ATXN1: variants seen among roughly 807,000 people sequenced by gnomAD.
The protein encoded by ATXN1 is ataxin-1.
In ATXN1, 8 loss-of-function variants were observed where a neutral mutation model predicts 56.4. That is an observed-to-expected ratio of 0.14 (90% CI 0.08 to 0.26). The LOEUF (loss-of-function observed/expected upper bound fraction) is 0.26, where lower values mean the gene tolerates loss of function less well. Ranked by LOEUF, ATXN1 falls within the 10% of genes least tolerant of loss-of-function variation. The pLI, the probability that ATXN1 is intolerant of heterozygous loss-of-function variation, is 1.00. For synonymous variants in ATXN1, 514 were observed against 494.6 expected, an observed-to-expected ratio of 1.04 and a Z score of -0.52; for missense variants, 987 against 1,106.5, an observed-to-expected ratio of 0.89 and a Z score of 1.53.
At chr6:16,646,989 TTTTGTTTG>T (rs533393628) in intron 3 of ATXN1, among the ~76,000 whole-genome samples, 1 of 152,032 alleles carries the variant, frequency 6.6e-6, no homozygotes, top group Admixed American at 6.6e-5. Flanking sequence ...ATTTAGGTTT[TTTTGTTTG>T]TTTGTTTGTT....
intron 3 of ATXN1, among the ~76,000 whole-genome samples, chr6:16,591,842 C>A (rs987678601): frequency 7.7e-6 from 1 of 129,640 alleles, no homozygotes; most frequent in Admixed American, 9.0e-5. Flanking sequence ...GTGATTTCAA[C>A]TTAAAGGTTA....
chr6:16,381,295 A>G (rs986688097), intron 6 of ATXN1, among the ~76,000 whole-genome samples: 1 of 152,042 alleles, frequency 6.6e-6, no homozygotes, highest in Non-Finnish European at 1.5e-5. Flanking sequence ...TGAAAAAAAA[A>G]GGGGGAAATG....
At chr6:16,720,323 T>C (rs1759721401) in intron 2 of ATXN1, among the ~76,000 whole-genome samples, 2 of 152,202 alleles carry the variant, frequency 1.3e-5, no homozygotes, top group Admixed American at 6.5e-5. Flanking sequence ...GGTCTGCAAA[T>C]AGAGTCTACT....
At chr6:16,330,513 C>T (rs1171626462) in intron 6 of ATXN1, among the ~76,000 whole-genome samples, 2 of 151,812 alleles carry the variant, frequency 1.3e-5, no homozygotes, top group Admixed American at 6.6e-5. Flanking sequence ...CCTCAGCCTC[C>T]CAGGTAGCTG....
intron 4 of ATXN1, among the ~76,000 whole-genome samples, chr6:16,564,086 C>A (rs915843653): frequency 4.5e-4 from 68 of 152,216 alleles, no homozygotes; most frequent in African/African-American, 1.4e-3. Flanking sequence ...AGCTGAATGA[C>A]CTCCAGGCTT....
At chr6:16,347,116 T>C (rs1423389618) in intron 6 of ATXN1, among the ~76,000 whole-genome samples, 2 of 152,100 alleles carry the variant, frequency 1.3e-5, no homozygotes, top group Non-Finnish European at 1.5e-5. Flanking sequence ...TGCCTGAACC[T>C]CCCCCTGCCC....
At chr6:16,544,131 T>C (rs1400897398) in intron 4 of ATXN1, among the ~76,000 whole-genome samples, 1 of 152,174 alleles carries the variant, frequency 6.6e-6, no homozygotes, top group Non-Finnish European at 1.5e-5. Context: ...GGTGAATTTC[T>C]CAAGTCCCTC....
chr6:16,502,070 G>C (rs1316452539), intron 5 of ATXN1, among the ~76,000 whole-genome samples: 1 of 152,214 alleles, frequency 6.6e-6, no homozygotes, highest in African/African-American at 2.4e-5. Context: ...GCAAGTATTA[G>C]AAGTTGGTTA....
chr6:16,479,538 A>G (rs1760393582), intron 6 of ATXN1, among the ~76,000 whole-genome samples: 2 of 152,358 alleles, frequency 1.3e-5, no homozygotes, highest in South Asian at 4.1e-4. Context: ...GATAATTAAA[A>G]AATGAAGTTA....
chr6:16,491,899 G>T (rs976622498), intron 5 of ATXN1, among the ~76,000 whole-genome samples: 2 of 152,172 alleles, frequency 1.3e-5, no homozygotes, highest in Non-Finnish European at 1.5e-5. Flanking sequence ...AAGTCATATG[G>T]CAAGGAACTG....
intron 7 of ATXN1, among the ~76,000 whole-genome samples, chr6:16,310,861 G>A (rs549115667): frequency 2.0e-5 from 3 of 152,194 alleles, no homozygotes; most frequent in Non-Finnish European, 4.4e-5. Context: ...AACTTTAAAA[G>A]TAGTAGATTT....
At chr6:16,505,580 C>G (rs1760969061) in intron 5 of ATXN1, among the ~76,000 whole-genome samples, 1 of 152,134 alleles carries the variant, frequency 6.6e-6, no homozygotes, top group Non-Finnish European at 1.5e-5. Flanking sequence ...AAAGAAGGGG[C>G]CTTAATAGGA....
intron 1 of ATXN1, among the ~76,000 whole-genome samples, chr6:16,758,211 T>C (rs1237633283): frequency 6.6e-6 from 1 of 152,238 alleles, no homozygotes; most frequent in Non-Finnish European, 1.5e-5. Context: ...GTTATTCCCC[T>C]GAGTAAACCC....
chr6:16,595,760 AGCAACATATGCTATTAAT>A (rs1762803046), intron 3 of ATXN1, among the ~76,000 whole-genome samples: 1 of 150,784 alleles, frequency 6.6e-6, no homozygotes, highest in Non-Finnish European at 1.5e-5. Context: ...AGAGTAAACA[AGCAACATATGCTATTAAT>A]GCCTGTTAAG....
intron 2 of ATXN1, among the ~76,000 whole-genome samples, chr6:16,730,789 T>C (rs142767442): frequency 8.9e-4 from 135 of 152,254 alleles, no homozygotes; most frequent in African/African-American, 3.0e-3. Flanking sequence ...CAAAAGCTAA[T>C]TGAAGCATAA....
intron 5 of ATXN1, among the ~76,000 whole-genome samples, chr6:16,492,327 T>G (rs1581798415): frequency 2.0e-5 from 3 of 151,888 alleles, no homozygotes; most frequent in African/African-American, 7.3e-5. Flanking sequence ...TAATGCTAGA[T>G]GACGAGTTAA....
chr6:16,372,559 G>A (rs1333873306), intron 6 of ATXN1, among the ~76,000 whole-genome samples: 1 of 152,158 alleles, frequency 6.6e-6, no homozygotes, highest in African/African-American at 2.4e-5. Context: ...GAAATGCCAA[G>A]GGCCCACATA....
At chr6:16,367,407 G>C (rs567284699) in intron 6 of ATXN1, among the ~76,000 whole-genome samples, 1 of 151,658 alleles carries the variant, frequency 6.6e-6, no homozygotes, top group East Asian at 1.9e-4. Flanking sequence ...CACACAATCA[G>C]TGTAAAGATT....
At chr6:16,664,742 G>C (rs893077729) in intron 2 of ATXN1, among the ~76,000 whole-genome samples, 3 of 151,858 alleles carry the variant, frequency 2.0e-5, no homozygotes, top group East Asian at 2.0e-4. Context: ...AAAGCTCCTT[G>C]GGTCCTCAAT....
Sources: gnomAD v4.1 joint callset for allele counts (sites outside exome capture counted in the v4.1 genomes callset) on GRCh38, gnomAD v4.1.1 for gene constraint, MANE v1.5 for transcripts, NCBI Gene and HGNC (gene_info 2026-07-23, HGNC 2026-07-21) for gene names.